PGC: variants seen among roughly 807,000 people sequenced by gnomAD.
PGC encodes gastricsin.
A neutral mutation model predicts 45.9 loss-of-function variants in PGC; 31 were observed. The observed-to-expected ratio is 0.67, with a 90% confidence interval of 0.51 to 0.91. PGC has a LOEUF of 0.91. PGC is among the 40% of genes least tolerant of loss of function. The probability of loss-of-function intolerance (pLI) is 0.00; values close to 1 mark genes in which losing one functional copy is unlikely to be tolerated. For synonymous variants in PGC, 192 were observed against 201.8 expected (o/e 0.95, Z 0.41); for missense variants, 477 against 493.2 (o/e 0.97, Z 0.31).
chr6:41,742,214 G>T, intron 5 of PGC, 76 bp downstream of exon 5: 1 of 1,336,054 alleles, frequency 7.5e-7, no homozygotes, highest in South Asian at 1.2e-5. Context: ...CCAAAGCATT[G>T]AGCACTGAGC....
chr6:41,738,193 T>TATATATAC (rs1771740504), intron 7 of PGC, among the ~76,000 whole-genome samples: 3 of 35,356 alleles, frequency 8.5e-5, no homozygotes, highest in African/African-American at 1.5e-4. Context: ...TATATATGCA[T>TATATATAC]ATATATATGC....
chr6:41,743,501 G>T, intron 3 of PGC, 112 bp from the exon 4 acceptor site: 1 of 738,258 alleles, frequency 1.4e-6, no homozygotes. Context: ...CTCACATCCT[G>T]GGACCTCAGC....
At chr6:41,747,191 G>A in intron 1 of PGC, 85 bp downstream of exon 1, 1 of 1,112,858 alleles carries the variant, frequency 9.0e-7, no homozygotes, top group Non-Finnish European at 1.4e-6. Context: ...GAGACAGGCA[G>A]GGTGTCCCCT....
In PGC at chr6:41,744,993, C is replaced by G. The variant is rs200143486; in HGVS notation, c.60-185G>C. Among the ~76,000 whole-genome samples the G allele has an allele frequency of 9.7e-3, 1,282 of 132,064 alleles. 11 individuals are homozygous for G. Among genetic ancestry groups the G allele is most frequent in the African/African-American group, 0.03 (892 of 29,834 alleles). The allele number at this position is 132,064 out of a possible 152,430, so 86.6% of individuals were successfully genotyped here. A position where few individuals can be genotyped will look rare whatever the true frequency, so the allele number is the denominator to read the frequency against. Reference sequence around the variant, plus strand: ...GCTCTCTGTCTCTGTCTGTCTGTCTCTCTGTGTGTGTGTGTGTGTGTGCGC... The same window carrying G: ...GCTCTCTGTCTCTGTCTGTCTGTCTGTCTGTGTGTGTGTGTGTGTGTGCGC... On this transcript the variant is annotated intron_variant, in intron 1 of 8. Transcript: ENST00000373025. This position sits in a 1 kb window ranked among gnomAD's most constrained non-coding sequence, Gnocchi z 4.4.
intron 1 of PGC, among the ~76,000 whole-genome samples, chr6:41,745,568 A>C (rs1214815114): frequency 1.8e-5 from 2 of 112,648 alleles, no homozygotes; most frequent in African/African-American, 4.2e-5. Context: ...TTTTTTTTTG[A>C]GACAGAGTTT....
At chr6:41,742,075 G>A (rs912537158) in intron 5 of PGC, among the ~76,000 whole-genome samples, 3 of 152,172 alleles carry the variant, frequency 2.0e-5, no homozygotes, top group African/African-American at 4.8e-5. Flanking sequence ...AAGTCGGAGG[G>A]GACTGGGGAC....
In PGC at chr6:41,744,271, G is replaced by T; in HGVS notation, c.328+126C>A. On this transcript the variant is annotated intron_variant, in intron 3 of 8. Transcript: ENST00000373025. The surrounding 1 kb of genome is among the most constrained non-coding windows in gnomAD (Gnocchi z 4.4). ...GGGCATGCTGTGTGGCCCTGCACAT[G>T]TCCCTGGTCCTCCCCAGGACTGAGC... 1 of 640,340 alleles carries T rather than the reference G, an allele frequency of 1.6e-6. No homozygotes were observed. Among genetic ancestry groups the T allele is most frequent in the Non-Finnish European group, 2.8e-6 (1 of 359,584 alleles). The allele number at this position is 640,340 out of a possible 1,614,324, so 39.7% of individuals were successfully genotyped here.
At chr6:41,746,285 C>T (rs1484334345) in intron 1 of PGC, among the ~76,000 whole-genome samples, 2 of 152,246 alleles carry the variant, frequency 1.3e-5, no homozygotes, top group Non-Finnish European at 2.9e-5. Context: ...GGCAACAGCA[C>T]TAGCTGGGAC....
rs1771882861 is a variant in PGC at position 41,744,196 on chromosome 6, G to A, written c.328+201C>T. On this transcript the variant is annotated intron_variant, in intron 3 of 8. Transcript: ENST00000373025. This position sits in a 1 kb window ranked among gnomAD's most constrained non-coding sequence, Gnocchi z 4.4. ...AAGCAAAGGGATACATATTGGCAGG[G>A]AAGGCAAAGGGGCCATCCAGCTGCA... Among the ~76,000 whole-genome samples the A allele has an allele frequency of 6.6e-6, 1 of 152,164 alleles. No homozygotes were observed. Among genetic ancestry groups the A allele is most frequent in the South Asian group, 2.1e-4 (1 of 4,828 alleles).
intron 7 of PGC, among the ~76,000 whole-genome samples, chr6:41,738,960 AAAAAAACAAAAAC>A (rs747753603): frequency 2.2e-4 from 33 of 152,076 alleles, no homozygotes; most frequent in Non-Finnish European, 4.6e-4. Context: ...ACTCCGTCTC[AAAAAAACAAAAAC>A]AAAAAACAAA....
intron 3 of PGC, among the ~76,000 whole-genome samples, chr6:41,743,986 T>C (rs777940229): frequency 6.6e-6 from 1 of 152,164 alleles, no homozygotes; most frequent in Non-Finnish European, 1.5e-5. Flanking sequence ...TTGTGTCTCT[T>C]GGAGACACTC....
intron 1 of PGC, 69 bp downstream of exon 1, chr6:41,747,207 A>G: frequency 7.5e-7 from 1 of 1,327,480 alleles, no homozygotes; most frequent in East Asian, 2.3e-5. Context: ...CCCCTGGCCC[A>G]GTTGCCCTTT....
At position 41,747,360 on chromosome 6, in the gene PGC, A is replaced by C; in HGVS notation, c.-26T>G. Reference sequence around the variant, plus strand: ...GATGCTGGTCCCCAACTGGCCACAGAGGAAGAGCAGCTCTGAGTTCTGCAG... The same window carrying C: ...GATGCTGGTCCCCAACTGGCCACAGCGGAAGAGCAGCTCTGAGTTCTGCAG... On this transcript the variant is annotated 5_prime_UTR_variant, in exon 1 of 9. Coordinates refer to ENST00000373025, the MANE Select transcript of PGC (RefSeq NM_002630.4). 6.2e-7 allele frequency: 1 copy of C among 1,606,312 alleles called. No individual in the cohort carries two copies. The highest frequency in any genetic ancestry group is 8.5e-7 in the Non-Finnish European group (1 of 1,172,904).
At chr6:41,740,727 TGAGGA>T in intron 5 of PGC, 117 bp from the exon 6 acceptor site, 1 of 1,478,114 alleles carries the variant, frequency 6.8e-7, no homozygotes, top group African/African-American at 1.4e-5. Flanking sequence ...GGGGGCTCCC[TGAGGA>T]GAGCACTGAG....
intron 7 of PGC, among the ~76,000 whole-genome samples, chr6:41,739,331 A>G (rs964895356): frequency 6.6e-6 from 1 of 152,128 alleles, no homozygotes; most frequent in Non-Finnish European, 1.5e-5. Flanking sequence ...ACAAGCCTCC[A>G]GGCCCCCATC....
chr6:41,744,565 G>A lies in PGC; in HGVS notation c.211-51C>T. Reference sequence around the variant, plus strand: ...GTTCCAGAGGGATCCAGGGGCCCCAGGCTCCTCCATGGGCAGAGGAGTGAA... The same window carrying A: ...GTTCCAGAGGGATCCAGGGGCCCCAAGCTCCTCCATGGGCAGAGGAGTGAA... On this transcript the variant is annotated intron_variant, in intron 2 of 8. Transcript: ENST00000373025. The surrounding 1 kb of genome is among the most constrained non-coding windows in gnomAD (Gnocchi z 4.4). The A allele has an allele frequency of 6.3e-7, 1 of 1,586,996 alleles. No individual in the cohort carries two copies.
At position 41,740,036 on chromosome 6, in the gene PGC, A is replaced by G. The variant is rs550214209; in HGVS notation, c.768-90T>C. On this transcript the variant is annotated intron_variant, in intron 6 of 8. Coordinates refer to ENST00000373025, the MANE Select transcript of PGC (RefSeq NM_002630.4). ...CCCCACCACTGTGGGACAAAGAGCT[A>G]CAGCTACTTTCTTGAGGAAAGTGAG... is the stretch of plus-strand genomic sequence containing the variant. 1.2e-5 allele frequency: 14 copies of G among 1,176,266 alleles called. No homozygotes were observed. In the East Asian group the frequency reaches 3.3e-4, roughly 28 times the overall value. 72.9% of individuals were successfully genotyped at this position (1,176,266 alleles called of 1,614,324 possible).
chr6:41,737,092 A>T (rs540014643), intron 8 of PGC, 88 bp from the exon 9 acceptor site: 4 of 1,320,800 alleles, frequency 3.0e-6, no homozygotes, highest in Non-Finnish European at 4.1e-6. Context: ...TGGGAGCACA[A>T]GTGCAGAGCT....
rs1352002181 is a variant in PGC at position 41,744,771 on chromosome 6, T to C, written c.97A>G (p.Met33Val). ...LKKFKSIRET[M>V]KEKGLLGEFL... is the part of the protein sequence containing the mutation. ...TCCCCCAGCAAGCCCTTCTCCTTCA[T>C]GGTCTCACGGATAGACTTAAATTTC... The change falls in exon 2 of 9, where the codon ATG (methionine) becomes GTG (valine). Residue 33 changes from methionine (M) to valine (V), a missense_variant. Coordinates refer to ENST00000373025, the MANE Select transcript of PGC (RefSeq NM_002630.4). This position sits in a 1 kb window ranked among gnomAD's most constrained non-coding sequence, Gnocchi z 4.4. The C allele has an allele frequency of 1.9e-6, 3 of 1,614,148 alleles. No homozygotes were observed. The highest frequency in any genetic ancestry group is 2.2e-5 in the East Asian group (1 of 44,880).
Sources: allele counts gnomAD v4.1 joint callset (sites outside exome capture counted in the v4.1 genomes callset), GRCh38; gene constraint gnomAD v4.1.1; non-coding constraint Gnocchi (gnomAD v3.1); transcripts MANE v1.5; gene names NCBI Gene and HGNC (gene_info 2026-07-23, HGNC 2026-07-21).